INSR: variants seen among roughly 807,000 people sequenced by gnomAD.
The protein encoded by INSR is IR.
INSR carries 67 observed loss-of-function variants against 142.6 expected under a neutral mutation model. The observed-to-expected ratio is 0.47, with a 90% CI of 0.39 to 0.58. INSR has a LOEUF of 0.58. Ranked by LOEUF, INSR falls within the 20% of genes least tolerant of loss-of-function variation. INSR has a pLI of 0.00. For missense variants in INSR, 1,248 were observed against 1,833.2 expected (o/e 0.68, Z 5.83); for synonymous variants, 756 against 743.1 (o/e 1.02, Z -0.28).
In INSR at chr19:7,149,298, T is replaced by C. The variant is rs746780422; in HGVS notation, c.2267+1199A>G. Among the ~76,000 whole-genome samples, 2 of 152,142 alleles carry C rather than the reference T, an allele frequency of 1.3e-5. 1 individual carries two copies. Among genetic ancestry groups the C allele is most frequent in the South Asian group, 4.1e-4 (2 of 4,824 alleles). ...TACAGTTAGTATTGCAAATGGCCAC[T>C]AGAGGGCAGATCAGGCCACACAGGT... On this transcript the variant is annotated intron_variant, in intron 11 of 21. Coordinates refer to ENST00000302850, the MANE Select transcript of INSR (RefSeq NM_000208.4).
intron 2 of INSR, among the ~76,000 whole-genome samples, chr19:7,195,681 A>G (rs558058337): frequency 6.7e-6 from 1 of 149,858 alleles, no homozygotes; most frequent in Non-Finnish European, 1.5e-5. Context: ...AATAAATAAA[A>G]GCCAATGTTG....
At chr19:7,203,634 G>A (rs1430912272) in intron 2 of INSR, among the ~76,000 whole-genome samples, 1 of 152,174 alleles carries the variant, frequency 6.6e-6, no homozygotes, top group African/African-American at 2.4e-5. Flanking sequence ...TTTCCCGGGA[G>A]CTTCTACATG....
Position 7,221,505 on chromosome 19 carries a change from C to G in INSR, c.653-36868G>C, listed in dbSNP as rs80217470. 0.012 allele frequency among the ~76,000 whole-genome samples: 1,847 copies of G among 151,748 alleles called. 63 individuals carry two copies. In the East Asian group the frequency reaches 0.13, roughly 11 times the overall value. On this transcript the variant is annotated intron_variant, in intron 2 of 21. Transcript: ENST00000302850. Reference sequence around the variant, plus strand: ...GGCGGATCACCTGAGGTCAGGAGTTCGAGACCAGCCTGGCCAGCACGGCGA... The same window carrying G: ...GGCGGATCACCTGAGGTCAGGAGTTGGAGACCAGCCTGGCCAGCACGGCGA...
At chr19:7,170,808 G>A in intron 5 of INSR, 57 bp from the exon 6 acceptor site, 1 of 1,364,444 alleles carries the variant, frequency 7.3e-7, no homozygotes, top group Non-Finnish European at 1.0e-6. Flanking sequence ...ACAACTCCAA[G>A]ATGGTGTGGC....
At chr19:7,237,832 A>AAATT (rs1976210433) in intron 2 of INSR, among the ~76,000 whole-genome samples, 1 of 146,700 alleles carries the variant, frequency 6.8e-6, no homozygotes, top group African/African-American at 2.6e-5. Flanking sequence ...ATAAATAAAT[A>AAATT]AAATTAAATT....
chr19:7,237,673 A>G (rs10416358), intron 2 of INSR, among the ~76,000 whole-genome samples: 37,927 of 151,016 alleles, frequency 0.25, 5,251 homozygotes, highest in East Asian at 0.6. Context: ...AAAATTAGCC[A>G]GGCATGGTGG....
rs8100252 is a variant in INSR, at chr19:7,123,293, C to T, written c.3259-304G>A. 0.22 allele frequency: 79,164 copies of T among 364,002 alleles called. 9,571 individuals are homozygous for T. The highest frequency in any genetic ancestry group is 0.4 in the East Asian group (6,110 of 15,392). The allele number at this position is 364,002 out of a possible 1,614,324, so 22.5% of individuals were successfully genotyped here. On this transcript the variant is annotated intron_variant, in intron 17 of 21. Coordinates refer to ENST00000302850, the MANE Select transcript of INSR (RefSeq NM_000208.4). ...AAGCAATTCTCCTGCCTCAGTCTCC[C>T]GAGTAGCTGGGGTTACAGGTGCCCG...
rs771734184 is a variant in INSR at position 7,267,321 on chromosome 19, T to C, written c.652+24A>G. The C allele has an allele frequency of 3.1e-6, 5 of 1,612,642 alleles. No homozygotes were observed. Among genetic ancestry groups the C allele is most frequent in the Non-Finnish European group, 3.4e-6 (4 of 1,178,926 alleles). ...CTAGAACAAGGCACGAGACACTGCT[T>C]AGAACCCTGTATCCCCGGCGTACCT... On this transcript the variant is annotated intron_variant, in intron 2 of 21. Coordinates refer to ENST00000302850, the MANE Select transcript of INSR (RefSeq NM_000208.4). The surrounding 1 kb of genome is among the most constrained non-coding windows in gnomAD (Gnocchi z 6.3).
intron 10 of INSR, 77 bp downstream of exon 10, chr19:7,152,649 C>T (rs767251889): frequency 8.3e-7 from 1 of 1,206,396 alleles, no homozygotes; most frequent in Non-Finnish European, 1.2e-6. Flanking sequence ...CACTACCTCT[C>T]GGTCCCTAAG....
In INSR at chr19:7,115,308, G is replaced by A. The variant is rs1470375285; in HGVS notation, c.*1748C>T. On this transcript the variant is annotated 3_prime_UTR_variant, in exon 22 of 22. Transcript: ENST00000302850. The stretch of plus-strand genomic sequence containing the variant: ...GCTGTGGTGGTTCTTTTTGCAAAGA[G>A]AAGAAACGGTGGATTCACGCCCATT... 2.0e-5 allele frequency: 3 copies of A among 152,342 alleles called. No individual in the cohort carries two copies. The highest frequency in any genetic ancestry group is 2.1e-4 in the South Asian group (1 of 4,812). The allele number at this position is 152,342 out of a possible 1,614,324, so 9.4% of individuals were successfully genotyped here. A position where few individuals can be genotyped will look rare whatever the true frequency, so the allele number is the denominator to read the frequency against.
chr19:7,129,157 G>C (rs1972718350), intron 14 of INSR, among the ~76,000 whole-genome samples: 1 of 151,956 alleles, frequency 6.6e-6, no homozygotes, highest in Non-Finnish European at 1.5e-5. Context: ...CAGGCAGTGG[G>C]CTCAGAGGTC....
At chr19:7,293,452 TGAC>T (rs1405621259) in intron 1 of INSR, among the ~76,000 whole-genome samples, 1 of 152,158 alleles carries the variant, frequency 6.6e-6, no homozygotes, top group African/African-American at 2.4e-5. Flanking sequence ...GACCCAAAGA[TGAC>T]GCGTGTCGTG....
At position 7,163,177 on chromosome 19, in the gene INSR, T is replaced by C. The variant is rs771494156; in HGVS notation, c.1884A>G (p.Pro628=). The C allele has an allele frequency of 8.1e-6, 13 of 1,613,510 alleles. No individual in the cohort carries two copies. The Middle Eastern group carries it at 4.9e-4, about 61-fold the overall frequency. Residue 628 remains proline, a synonymous_variant, in exon 9 of 22, where the codon CCA becomes CCG. Coordinates refer to ENST00000302850, the MANE Select transcript of INSR (RefSeq NM_000208.4). ...GGGATGATGAGTTAGACACTGAGAT[T>C]GGATCCAGGGGCACAGAGGGGTCTG... The part of the protein sequence containing the change: ...DATNPSVPLD[P]ISVSNSSSQI...
At chr19:7,158,132 C>G (rs1973649334) in intron 9 of INSR, among the ~76,000 whole-genome samples, 1 of 150,732 alleles carries the variant, frequency 6.6e-6, no homozygotes, top group Admixed American at 6.6e-5. Flanking sequence ...GGTATCATTC[C>G]TGATACCTGC....
At position 7,230,816 on chromosome 19, in the gene INSR, A is replaced by AT. The variant is rs1240762070; in HGVS notation, c.652+36528_652+36529insA. On this transcript the variant is annotated intron_variant, in intron 2 of 21. Transcript: ENST00000302850. ...GTGAGACTCCATCTCAAAAATAAAAAAAAAATAAAAAATATTAGCTCAAGG... is the reference window on the plus strand; with the variant it reads ...GTGAGACTCCATCTCAAAAATAAAAATAAAAATAAAAAATATTAGCTCAAGG... Among the ~76,000 whole-genome samples, 14 of 151,712 alleles carry AT rather than the reference A, an allele frequency of 9.2e-5. No individual in the cohort carries two copies. In the East Asian group the frequency reaches 2.5e-3, roughly 27 times the overall value.
chr19:7,197,703 C>T (rs1243755296), intron 2 of INSR, among the ~76,000 whole-genome samples: 18 of 89,852 alleles, frequency 2.0e-4, no homozygotes, highest in Admixed American at 3.6e-4. Context: ...GTGTGTTTGG[C>T]AGGTTCCAGA....
At chr19:7,259,794 G>A (rs1371405920) in intron 2 of INSR, among the ~76,000 whole-genome samples, 2 of 150,276 alleles carry the variant, frequency 1.3e-5, no homozygotes, top group Non-Finnish European at 3.0e-5. Context: ...ACTCCAGCCT[G>A]GACAACAGAG....
chr19:7,284,616 C>T (rs1401723777), intron 1 of INSR, among the ~76,000 whole-genome samples: 1 of 152,126 alleles, frequency 6.6e-6, no homozygotes, highest in Admixed American at 6.6e-5. Flanking sequence ...GCAACCTCCA[C>T]CTCCTGGGTC....
rs1263178456 is a variant in INSR at position 7,168,965 on chromosome 19, C to T, written c.1484-871G>A. On this transcript the variant is annotated intron_variant, in intron 6 of 21. Transcript: ENST00000302850. The surrounding 1 kb of genome is among the most constrained non-coding windows in gnomAD (Gnocchi z 4.3). ...ATGAAGGTATCCCAGAAGCCCTTGG[C>T]AGCTCACTGTTTAGAATCTGTCAGG... Among the ~76,000 whole-genome samples the T allele has an allele frequency of 6.6e-6, 1 of 152,240 alleles. No individual in the cohort carries two copies. The highest frequency in any genetic ancestry group is 1.5e-5 in the Non-Finnish European group (1 of 68,040).
Sources: allele counts gnomAD v4.1 joint callset (sites outside exome capture counted in the v4.1 genomes callset), GRCh38; gene constraint gnomAD v4.1.1; non-coding constraint Gnocchi (gnomAD v3.1); transcripts MANE v1.5; gene names NCBI Gene and HGNC (gene_info 2026-07-23, HGNC 2026-07-21).